SLC31A1: variants seen among roughly 807,000 people sequenced by gnomAD.
SLC31A1 encodes the protein high affinity copper uptake protein 1.
In SLC31A1, 5 loss-of-function variants were observed where a neutral mutation model predicts 17.2. The ratio of observed to expected loss-of-function variants is 0.29; its 90% confidence interval spans 0.15 to 0.61. SLC31A1 has a LOEUF of 0.61. SLC31A1 is among the 20% of genes least tolerant of loss of function. SLC31A1 has a pLI of 0.86. For synonymous variants in SLC31A1, 76 were observed against 78.8 expected (o/e 0.96, Z 0.19); for missense variants, 161 against 241.4 (o/e 0.67, Z 2.21).
intron 1 of SLC31A1, among the ~76,000 whole-genome samples, chr9:113,255,103 C>T (rs1246218533): frequency 6.6e-6 from 1 of 152,150 alleles, no homozygotes; most frequent in South Asian, 2.1e-4. Context: ...TATCTGAAGT[C>T]TGAGCACACT....
At chr9:113,246,375 G>A (rs1831578329) in intron 1 of SLC31A1, among the ~76,000 whole-genome samples, 1 of 149,502 alleles carries the variant, frequency 6.7e-6, no homozygotes, top group Admixed American at 6.7e-5. Context: ...TTTTTGAGAT[G>A]GAGTCTCGCT....
intron 1 of SLC31A1, chr9:113,227,225 T>G (rs1445083266): frequency 6.6e-6 from 1 of 152,118 alleles, no homozygotes; most frequent in Non-Finnish European, 1.5e-5. Context: ...ACAGCCTCTA[T>G]CTGAGATATT....
At chr9:113,230,111 G>A (rs1831385221) in intron 1 of SLC31A1, among the ~76,000 whole-genome samples, 1 of 152,180 alleles carries the variant, frequency 6.6e-6, no homozygotes, top group Non-Finnish European at 1.5e-5. Flanking sequence ...ACAAATATCT[G>A]CCTCTGTCTG....
chr9:113,249,125 T>C (rs950359496), intron 1 of SLC31A1, among the ~76,000 whole-genome samples: 2 of 152,140 alleles, frequency 1.3e-5, no homozygotes, highest in African/African-American at 2.4e-5. Context: ...CTTTTTCTTT[T>C]AAAATTCACC....
intron 1 of SLC31A1, among the ~76,000 whole-genome samples, chr9:113,224,770 T>G (rs1831322862): frequency 1.3e-5 from 2 of 152,180 alleles, no homozygotes; most frequent in Non-Finnish European, 2.9e-5. Context: ...GCATTCAGTG[T>G]GGTGTTTTAG....
In SLC31A1 at chr9:113,257,149, C is replaced by A; in HGVS notation, c.166C>A (p.Leu56Ile). The A allele has an allele frequency of 5.6e-6, 9 of 1,613,918 alleles. No individual in the cohort carries two copies. Among genetic ancestry groups the A allele is most frequent in the Non-Finnish European group, 6.8e-6 (8 of 1,179,858 alleles). ...TFYFGFKNVE[L>I]LFSGLVINTA... ...CTACTTTGGCTTTAAGAATGTGGAA[C>A]TACTGTTTTCCGGTTTGGTGATCAA... Residue 56 changes from leucine to isoleucine, a missense_variant, in exon 3 of 5, where the codon CTA becomes ATA. Physicochemically the swap from Leu to Ile is conservative, Grantham distance 5 (BLOSUM62 2). Transcript: ENST00000374212.
chr9:113,242,520 G>T (rs1831533650), intron 1 of SLC31A1, among the ~76,000 whole-genome samples: 1 of 152,062 alleles, frequency 6.6e-6, no homozygotes, highest in Non-Finnish European at 1.5e-5. Flanking sequence ...TCCCACTTCA[G>T]GGCCTCCCTC....
At chr9:113,242,957 A>G (rs542338370) in intron 1 of SLC31A1, among the ~76,000 whole-genome samples, 1 of 152,328 alleles carries the variant, frequency 6.6e-6, no homozygotes, top group East Asian at 1.9e-4. Flanking sequence ...ATATTTTCCA[A>G]AAGTATATGA....
intron 1 of SLC31A1, among the ~76,000 whole-genome samples, chr9:113,245,833 C>T (rs916467743): frequency 1.3e-5 from 2 of 152,050 alleles, no homozygotes; most frequent in African/African-American, 4.8e-5. Context: ...GGGGTTTCCT[C>T]ATGTTGCCCA....
intron 1 of SLC31A1, among the ~76,000 whole-genome samples, chr9:113,253,014 C>T (rs1193012111): frequency 2.8e-5 from 4 of 141,292 alleles, no homozygotes; most frequent in African/African-American, 5.3e-5. Context: ...AGTGCAGTGG[C>T]GCGGTCTCGC....
chr9:113,241,037 G>A (rs981508884), intron 1 of SLC31A1, among the ~76,000 whole-genome samples: 9 of 142,284 alleles, frequency 6.3e-5, no homozygotes, highest in Admixed American at 1.4e-4. Context: ...GCGACAGAGC[G>A]AGACTCTGTC....
At chr9:113,256,481 G>A (rs905149237) in intron 2 of SLC31A1, 5 of 514,130 alleles carry the variant, frequency 9.7e-6, no homozygotes, top group South Asian at 9.0e-5. Flanking sequence ...CAAGATTTTA[G>A]GCTTCTTTCT....
chr9:113,240,040 A>ATT (rs1237843229), intron 1 of SLC31A1, among the ~76,000 whole-genome samples: 2 of 151,636 alleles, frequency 1.3e-5, no homozygotes, highest in Non-Finnish European at 2.9e-5. Flanking sequence ...CCAATAATTA[A>ATT]TTTATCAGTC....
chr9:113,260,904 A>G lies in SLC31A1; in HGVS notation c.*431A>G. ...TGGAAAGGGGTTAACTTCAGCCAGG[A>G]TTGATGGCAGCTGAGGGAAATTCTT... is the stretch of plus-strand genomic sequence containing the variant. On this transcript the variant is annotated 3_prime_UTR_variant, in exon 5 of 5. Transcript: ENST00000374212. The G allele has an allele frequency of 3.4e-6, 1 of 294,718 alleles. No individual in the cohort carries two copies. The highest frequency in any genetic ancestry group is 6.6e-6 in the Non-Finnish European group (1 of 151,652). 18.3% of individuals were successfully genotyped at this position (294,718 alleles called of 1,614,324 possible).
At chr9:113,252,109 GTCAC>G (rs1279595609) in intron 1 of SLC31A1, among the ~76,000 whole-genome samples, 1 of 152,168 alleles carries the variant, frequency 6.6e-6, no homozygotes, top group Non-Finnish European at 1.5e-5. Context: ...CTTGCCCTGG[GTCAC>G]TGATATGTCT....
intron 1 of SLC31A1, among the ~76,000 whole-genome samples, chr9:113,235,773 G>C (rs1465598515): frequency 6.6e-6 from 1 of 152,172 alleles, no homozygotes; most frequent in African/African-American, 2.4e-5. Context: ...GCAATGCCCT[G>C]CAACAGTGAG....
intron 1 of SLC31A1, among the ~76,000 whole-genome samples, chr9:113,224,752 T>C (rs1014364420): frequency 2.0e-5 from 3 of 152,198 alleles, no homozygotes; most frequent in African/African-American, 7.2e-5. Context: ...TTATCTGGTC[T>C]TTCGAAAGCA....
intron 1 of SLC31A1, among the ~76,000 whole-genome samples, chr9:113,236,239 T>A (rs575282782): frequency 6.6e-6 from 1 of 152,320 alleles, no homozygotes; most frequent in African/African-American, 2.4e-5. Context: ...CTGCCCGTCT[T>A]GGCCTCCCAA....
chr9:113,227,194 G>A (rs907016327), intron 1 of SLC31A1: 4 of 151,964 alleles, frequency 2.6e-5, no homozygotes, highest in African/African-American at 9.7e-5. Flanking sequence ...TCCTAGCCCA[G>A]TACTTTTACT....
Sources: gnomAD v4.1 joint callset for allele counts (sites outside exome capture counted in the v4.1 genomes callset) on GRCh38, gnomAD v4.1.1 for gene constraint, MANE v1.5 for transcripts, NCBI Gene and HGNC (gene_info 2026-07-23, HGNC 2026-07-21) for gene names.